The following EEF2K variants were observed in gnomAD, a reference collection of about 807,000 sequenced individuals.
EEF2K encodes eukaryotic elongation factor 2 kinase.
In EEF2K, 70 loss-of-function variants were observed where a neutral mutation model predicts 93.8. The observed-to-expected ratio is 0.75, with a 90% CI of 0.62 to 0.91. The LOEUF (loss-of-function observed/expected upper bound fraction) is 0.91, where lower values mean the gene tolerates loss of function less well. Among genes scored for constraint, EEF2K ranks in the 40% least tolerant of loss-of-function variants. The pLI is 0.00. For synonymous variants in EEF2K, 376 were observed against 380.8 expected (o/e 0.99, Z 0.15); for missense variants, 935 against 972.9 (o/e 0.96, Z 0.52).
At chr16:22,267,524 G>T (rs954037984) in intron 15 of EEF2K, among the ~76,000 whole-genome samples, 1 of 151,870 alleles carries the variant, frequency 6.6e-6, no homozygotes, top group Non-Finnish European at 1.5e-5. Context: ...GAACCTGGGA[G>T]ACAGAGGTTA....
At chr16:22,269,442 T>TGC in intron 15 of EEF2K, among the ~76,000 whole-genome samples, 1 of 151,912 alleles carries the variant, frequency 6.6e-6, no homozygotes, top group East Asian at 1.9e-4. Context: ...TGCTCTGTCA[T>TGC]CCAGGCTGGA....
chr16:22,277,206 A>G (rs537370973), intron 16 of EEF2K, among the ~76,000 whole-genome samples: 1 of 152,282 alleles, frequency 6.6e-6, no homozygotes, highest in South Asian at 2.1e-4. Flanking sequence ...GTGTAATCAT[A>G]GCTCACTGTA....
chr16:22,270,817 T>G (rs942408985), intron 15 of EEF2K, among the ~76,000 whole-genome samples: 2 of 152,080 alleles, frequency 1.3e-5, no homozygotes, highest in African/African-American at 4.8e-5. Flanking sequence ...AGTTTTTGTT[T>G]CATGATGGTG....
intron 1 of EEF2K, among the ~76,000 whole-genome samples, chr16:22,208,257 T>C (rs1226657326): frequency 6.6e-6 from 1 of 152,180 alleles, no homozygotes; most frequent in Non-Finnish European, 1.5e-5. Context: ...GCGTGGTGGC[T>C]CAGGCCTTTA....
intron 3 of EEF2K, among the ~76,000 whole-genome samples, chr16:22,247,930 C>T (rs2047311641): frequency 6.6e-6 from 1 of 152,128 alleles, no homozygotes; most frequent in Non-Finnish European, 1.5e-5. Context: ...ATCGAGGGCA[C>T]CACCACCACC....
At chr16:22,251,944 C>A (rs138557908) in intron 6 of EEF2K, among the ~76,000 whole-genome samples, 1 of 152,008 alleles carries the variant, frequency 6.6e-6, no homozygotes, top group Admixed American at 6.6e-5. Flanking sequence ...CAGGGGTATG[C>A]CACCATGCCT....
At chr16:22,244,902 A>C (rs1446449974) in intron 3 of EEF2K, among the ~76,000 whole-genome samples, 172 bp downstream of exon 3, 1 of 152,120 alleles carries the variant, frequency 6.6e-6, no homozygotes, top group Non-Finnish European at 1.5e-5. Flanking sequence ...ACCTCACTGA[A>C]TCCTTCTCGT....
chr16:22,266,595 G>A (rs933239700), intron 14 of EEF2K, 71 bp downstream of exon 14: 34 of 1,597,326 alleles, frequency 2.1e-5, no homozygotes, highest in East Asian at 1.1e-4. Flanking sequence ...CCTCTCCTCC[G>A]CTAATCACTT....
chr16:22,241,935 C>A (rs2047227569), intron 2 of EEF2K, among the ~76,000 whole-genome samples: 5 of 151,812 alleles, frequency 3.3e-5, no homozygotes, highest in Admixed American at 3.3e-4. Flanking sequence ...TCGAGACCAG[C>A]CTGGGCAACA....
chr16:22,208,445 G>A (rs2046885088), intron 1 of EEF2K, among the ~76,000 whole-genome samples: 1 of 152,140 alleles, frequency 6.6e-6, no homozygotes, highest in Non-Finnish European at 1.5e-5. Context: ...ATCGAGAATC[G>A]TTTGAACCCA....
intron 1 of EEF2K, among the ~76,000 whole-genome samples, chr16:22,208,727 C>T (rs1023389002): frequency 9.7e-5 from 14 of 144,816 alleles, no homozygotes; most frequent in Middle Eastern, 3.5e-3. Context: ...GGGTGAAACC[C>T]GGTCTCTATT....
chr16:22,215,583 T>G lies in EEF2K; in HGVS notation c.-77+8904T>G, dbSNP rs190409354. Among the ~76,000 whole-genome samples, 52 of 152,330 alleles carry G rather than the reference T, an allele frequency of 3.4e-4. No individual in the cohort carries two copies. The East Asian group carries it at 8.7e-3, about 25-fold the overall frequency. On this transcript the variant is annotated intron_variant, in intron 1 of 17. Transcript: ENST00000263026. ...GACATTAAGACACTGATGTGAACTCTTAGCTTGATGCTTGACTTAATCACT... is the reference window on the plus strand; with the variant it reads ...GACATTAAGACACTGATGTGAACTCGTAGCTTGATGCTTGACTTAATCACT...
intron 6 of EEF2K, among the ~76,000 whole-genome samples, chr16:22,254,365 T>C (rs898883179): frequency 8.5e-5 from 13 of 152,056 alleles, no homozygotes; most frequent in African/African-American, 2.4e-4. Context: ...TCAGAACCCA[T>C]TGAAGCCTTG....
At chr16:22,242,685 C>T (rs1347910588) in intron 2 of EEF2K, among the ~76,000 whole-genome samples, 1 of 151,962 alleles carries the variant, frequency 6.6e-6, no homozygotes, top group Non-Finnish European at 1.5e-5. Context: ...GCACTGCTGG[C>T]ATAGAGTTAG....
rs532166660 is a variant in EEF2K at position 22,241,533 on chromosome 16, T to C, written c.247-3097T>C. Among the ~76,000 whole-genome samples, 8 of 147,438 alleles carry C rather than the reference T, an allele frequency of 5.4e-5. No individual in the cohort carries two copies. In the East Asian group the frequency reaches 1.6e-3, roughly 30 times the overall value. On this transcript the variant is annotated intron_variant, in intron 2 of 17. Coordinates refer to ENST00000263026, the MANE Select transcript of EEF2K (RefSeq NM_013302.5). Reference sequence around the variant, plus strand: ...GTTGGCTCACGCCTGTAATCCCAGCTACTCAGGAGGCTGAGGCAGGAAAAT... The same window carrying C: ...GTTGGCTCACGCCTGTAATCCCAGCCACTCAGGAGGCTGAGGCAGGAAAAT...
rs963494515 is a variant in EEF2K, at chr16:22,283,828, T to G, written c.2069-59T>G. Reference sequence around the variant, plus strand: ...TTCTGGGAGGGGTGATGGGGGACACTGGGCTGGCAAAAACAACAGGTGGTT... The same window carrying G: ...TTCTGGGAGGGGTGATGGGGGACACGGGGCTGGCAAAAACAACAGGTGGTT... On this transcript the variant is annotated intron_variant, in intron 17 of 17. Transcript: ENST00000263026. 1.5e-5 allele frequency: 23 copies of G among 1,514,842 alleles called. No individual in the cohort carries two copies. In the Admixed American group the frequency reaches 3.3e-4, roughly 22 times the overall value. The allele number at this position is 1,514,842 out of a possible 1,614,324, so 93.8% of individuals were successfully genotyped here. A position where few individuals can be genotyped will look rare whatever the true frequency, so the allele number is the denominator to read the frequency against.
chr16:22,257,468 A>C, intron 8 of EEF2K, 83 bp downstream of exon 8: 1 of 1,570,932 alleles, frequency 6.4e-7, no homozygotes, highest in East Asian at 2.2e-5. Flanking sequence ...CCAAGGAAAC[A>C]GGCTGAGACA....
intron 1 of EEF2K, among the ~76,000 whole-genome samples, chr16:22,217,877 G>C (rs921714404): frequency 6.6e-6 from 1 of 152,154 alleles, no homozygotes; most frequent in East Asian, 1.9e-4. Flanking sequence ...ATCTACGCTG[G>C]GCTTGGTAGT....
At chr16:22,236,442 T>G (rs2047168599) in intron 2 of EEF2K, among the ~76,000 whole-genome samples, 1 of 151,924 alleles carries the variant, frequency 6.6e-6, no homozygotes, top group South Asian at 2.1e-4. Flanking sequence ...GCCTGGCTAA[T>G]TTTTTGTATT....
Sources: gnomAD v4.1 joint callset for allele counts (sites outside exome capture counted in the v4.1 genomes callset) on GRCh38, gnomAD v4.1.1 for gene constraint, MANE v1.5 for transcripts, NCBI Gene and HGNC (gene_info 2026-07-23, HGNC 2026-07-21) for gene names.